LVRN: variants seen among roughly 807,000 people sequenced by gnomAD.
The protein encoded by LVRN is laeverin.
LVRN carries 99 observed loss-of-function variants against 111.4 expected under a neutral mutation model. The observed-to-expected ratio is 0.89, with a 90% CI of 0.76 to 1.05. The LOEUF is 1.05. LVRN is among the 50% of genes least tolerant of loss of function. LVRN has a pLI of 0.00. For missense variants in LVRN, 1,414 were observed against 1,206.8 expected, an observed-to-expected ratio of 1.17 and a Z score of -2.54; for synonymous variants, 488 against 449.5, an observed-to-expected ratio of 1.09 and a Z score of -1.08.
Position 116,026,245 on chromosome 5 carries a change from C to T in LVRN, c.*127C>T. ...TTGTATTTCAGTCACATTTATTACT[C>T]AGAGTGCCATTCTTCTCATATTGTC... is the stretch of plus-strand genomic sequence containing the variant. On this transcript the variant is annotated 3_prime_UTR_variant, in exon 20 of 20. Transcript: ENST00000357872. 1 of 1,365,800 alleles carries T rather than the reference C, an allele frequency of 7.3e-7. No homozygotes were observed. The highest frequency in any genetic ancestry group is 1.0e-6 in the Non-Finnish European group (1 of 998,806). 84.6% of individuals were successfully genotyped at this position (1,365,800 alleles called of 1,614,324 possible).
chr5:115,999,678 T>C, intron 6 of LVRN, 84 bp from the exon 7 acceptor site: 1 of 1,455,068 alleles, frequency 6.9e-7, no homozygotes, highest in South Asian at 1.3e-5. Flanking sequence ...TCAATATCAG[T>C]TTTTGAAAGT....
intron 2 of LVRN, among the ~76,000 whole-genome samples, chr5:115,984,030 C>T (rs961210956): frequency 7.9e-5 from 12 of 152,300 alleles, no homozygotes; most frequent in African/African-American, 2.9e-4. Flanking sequence ...TTGGCTGCCT[C>T]CTGCAGCCGC....
chr5:115,999,281 C>G (rs936691096), intron 6 of LVRN, among the ~76,000 whole-genome samples: 2 of 152,016 alleles, frequency 1.3e-5, no homozygotes, highest in African/African-American at 4.8e-5. Flanking sequence ...CTGTAATATC[C>G]ATTTTATGGA....
chr5:116,011,064 C>T (rs577267340), intron 14 of LVRN, among the ~76,000 whole-genome samples, 170 bp downstream of exon 14: 1 of 83,168 alleles, frequency 1.2e-5, no homozygotes, highest in African/African-American at 3.8e-5. Context: ...GCTGATTGAT[C>T]TTAGAAGAAA....
At chr5:115,985,991 C>G (rs964851372) in intron 3 of LVRN, among the ~76,000 whole-genome samples, 1 of 152,174 alleles carries the variant, frequency 6.6e-6, no homozygotes, top group Non-Finnish European at 1.5e-5. Flanking sequence ...GTGAGCCAAG[C>G]CCCTCATCAG....
rs1310470317 is a variant in LVRN at position 116,001,159 on chromosome 5, T to C, written c.1740T>C (p.Thr580=). The change falls in exon 10 of 20, where the codon ACT becomes ACC. Residue 580 remains threonine (T), a synonymous_variant. Transcript: ENST00000357872. ...ACCAGAGTGGTTTTCCAGTGATCAC[T>C]TTAAATGTGTCTACTGGCGTCATGA... ...WTHQSGFPVI[T]LNVSTGVMKQ... The C allele has an allele frequency of 6.2e-7, 1 of 1,613,904 alleles. No homozygotes were observed. The highest frequency in any genetic ancestry group is 8.5e-7 in the Non-Finnish European group (1 of 1,179,980).
chr5:115,963,048 T>C lies in LVRN; in HGVS notation c.431T>C (p.Leu144Pro). The change falls in exon 1 of 20, where the codon CTG (leucine) becomes CCG (proline). Residue 144 changes from leucine to proline, a missense_variant. Transcript: ENST00000357872. ...CGCTGCACGGTGGCCACCTCTCGACTGCTGCTGCATAGCCTCTTCCAGGAC... is the reference window on the plus strand; with the variant it reads ...CGCTGCACGGTGGCCACCTCTCGACCGCTGCTGCATAGCCTCTTCCAGGAC... ...TVRCTVATSR[L>P]LLHSLFQDCE... is the part of the protein sequence containing the mutation. 6.2e-7 allele frequency: 1 copy of C among 1,613,638 alleles called. No homozygotes were observed. Among genetic ancestry groups the C allele is most frequent in the Non-Finnish European group, 8.5e-7 (1 of 1,179,904 alleles).
At chr5:115,999,179 C>G (rs1209566511) in intron 6 of LVRN, among the ~76,000 whole-genome samples, 1 of 152,206 alleles carries the variant, frequency 6.6e-6, no homozygotes, top group Non-Finnish European at 1.5e-5. Flanking sequence ...TTGCCCTTAT[C>G]ATGTGTCTGA....
chr5:116,015,786 T>G (rs369612814), intron 18 of LVRN, 21 bp downstream of exon 18: 346 of 1,610,984 alleles, frequency 2.1e-4, no homozygotes, highest in African/African-American at 2.1e-3. Flanking sequence ...AAGTGAGACC[T>G]TTCTTTCATT....
intron 6 of LVRN, chr5:115,995,291 A>G (rs1748081630): frequency 6.6e-6 from 1 of 152,218 alleles, no homozygotes; most frequent in Non-Finnish European, 1.5e-5. Context: ...TTAGTGCCAC[A>G]GAAACCTTTT....
chr5:115,966,795 T>C (rs1753212714), intron 1 of LVRN, among the ~76,000 whole-genome samples: 1 of 152,260 alleles, frequency 6.6e-6, no homozygotes, highest in Non-Finnish European at 1.5e-5. Flanking sequence ...ATGTTCTCTG[T>C]ATCATGGCCA....
chr5:116,019,888 C>T (rs1016976122), intron 18 of LVRN: 8 of 152,204 alleles, frequency 5.3e-5, no homozygotes, highest in Non-Finnish European at 1.2e-4. Context: ...GTTTTGAGTA[C>T]ATCTCTCCCT....
At chr5:115,990,066 G>A (rs1446819684) in intron 4 of LVRN, among the ~76,000 whole-genome samples, 1 of 152,132 alleles carries the variant, frequency 6.6e-6, no homozygotes, top group East Asian at 1.9e-4. Flanking sequence ...CTTGCTCAAT[G>A]AATTCTAAAC....
intron 1 of LVRN, among the ~76,000 whole-genome samples, chr5:115,970,443 C>T (rs1290199960): frequency 6.8e-6 from 1 of 146,006 alleles, no homozygotes; most frequent in Non-Finnish European, 1.5e-5. Flanking sequence ...AGTACAGTGA[C>T]ACAATCTCAG....
intron 4 of LVRN, among the ~76,000 whole-genome samples, chr5:115,988,851 G>T (rs1747923385): frequency 6.6e-6 from 1 of 152,146 alleles, no homozygotes; most frequent in Admixed American, 6.5e-5. Context: ...CCAAGCTCCT[G>T]GCATTTCTGG....
intron 1 of LVRN, among the ~76,000 whole-genome samples, chr5:115,972,435 C>T (rs1336372062): frequency 6.6e-6 from 1 of 150,608 alleles, no homozygotes; most frequent in African/African-American, 2.4e-5. Flanking sequence ...ATCTTGTATG[C>T]TACAACTTTG....
rs886671585 is a variant in LVRN at position 115,972,133 on chromosome 5, T to C, written c.695+8821T>C. On this transcript the variant is annotated intron_variant, in intron 1 of 19. Transcript: ENST00000357872. Reference sequence around the variant, plus strand: ...TTGGGATAGACAATGTTTTCACAGATACACCACCAAAAGTTTGATATATAT... The same window carrying C: ...TTGGGATAGACAATGTTTTCACAGACACACCACCAAAAGTTTGATATATAT... Among the ~76,000 whole-genome samples, 9 of 152,230 alleles carry C rather than the reference T, an allele frequency of 5.9e-5. No individual in the cohort carries two copies. In the East Asian group the frequency reaches 7.7e-4, roughly 13 times the overall value.
At chr5:115,993,672 G>A in intron 5 of LVRN, 69 bp from the exon 6 acceptor site, 1 of 958,870 alleles carries the variant, frequency 1.0e-6, no homozygotes. Flanking sequence ...TACTTAACAT[G>A]CAATTACAAC....
intron 18 of LVRN, chr5:116,019,891 C>G (rs1748684389): frequency 6.6e-6 from 1 of 152,182 alleles, no homozygotes; most frequent in South Asian, 2.1e-4. Context: ...TTGAGTACAT[C>G]TCTCCCTTGT....
Sources: allele counts gnomAD v4.1 joint callset (sites outside exome capture counted in the v4.1 genomes callset), GRCh38; gene constraint gnomAD v4.1.1; transcripts MANE v1.5; gene names NCBI Gene and HGNC (gene_info 2026-07-23, HGNC 2026-07-21).